The following GALNTL6 variants were observed in gnomAD, a reference collection of about 807,000 sequenced individuals.
GALNTL6 encodes polypeptide N-acetylgalactosaminyltransferase like 6, also known as polypeptide N-acetylgalactosaminyltransferase-like 6.
Under a neutral mutation model 73.7 loss-of-function variants are expected in GALNTL6, and 46 were observed. That is an observed-to-expected ratio of 0.62 (90% confidence interval 0.49 to 0.80). The LOEUF (loss-of-function observed/expected upper bound fraction) is 0.80. Ranked by LOEUF, GALNTL6 falls within the 30% of genes least tolerant of loss-of-function variation. The pLI, the probability that GALNTL6 is intolerant of heterozygous loss-of-function variation, is 0.00. For synonymous variants in GALNTL6, 259 were observed against 263.7 expected (o/e 0.98, Z 0.17); for missense variants, 604 against 755.0 (o/e 0.80, Z 2.34).
At chr4:172,333,976 T>C (rs536635837) in intron 4 of GALNTL6, among the ~76,000 whole-genome samples, 5 of 152,346 alleles carry the variant, frequency 3.3e-5, no homozygotes, top group Admixed American at 2.6e-4. Flanking sequence ...TTGTCAACTT[T>C]GTTGAAGGTC....
intron 2 of GALNTL6, among the ~76,000 whole-genome samples, chr4:171,958,881 A>C (rs760602482): frequency 6.6e-6 from 1 of 152,150 alleles, no homozygotes; most frequent in Non-Finnish European, 1.5e-5. Context: ...TAACATTTTA[A>C]TAAATGTACA....
intron 2 of GALNTL6, among the ~76,000 whole-genome samples, chr4:172,038,119 A>AAG (rs1409844964): frequency 1.3e-5 from 2 of 151,382 alleles, no homozygotes; most frequent in Middle Eastern, 3.4e-3. Context: ...CTCTGTCTCA[A>AAG]AAAAAAAAAC....
At chr4:172,281,625 C>T (rs1739060999) in intron 3 of GALNTL6, among the ~76,000 whole-genome samples, 1 of 152,124 alleles carries the variant, frequency 6.6e-6, no homozygotes, top group Non-Finnish European at 1.5e-5. Context: ...GCAGGAGAAT[C>T]GTTTGAACCC....
intron 3 of GALNTL6, among the ~76,000 whole-genome samples, chr4:172,262,372 T>C (rs1179717424): frequency 6.6e-6 from 1 of 151,464 alleles, no homozygotes; most frequent in Non-Finnish European, 1.5e-5. Context: ...TTTTTATCAT[T>C]ATATAATTTC....
intron 5 of GALNTL6, among the ~76,000 whole-genome samples, chr4:172,455,637 G>A (rs1403343947): frequency 6.6e-6 from 1 of 152,156 alleles, no homozygotes; most frequent in Non-Finnish European, 1.5e-5. Flanking sequence ...CAAAACCACT[G>A]TAGCCAGACC....
At chr4:172,479,653 C>T (rs558327736) in intron 5 of GALNTL6, among the ~76,000 whole-genome samples, 7 of 152,206 alleles carry the variant, frequency 4.6e-5, no homozygotes, top group African/African-American at 9.6e-5. Flanking sequence ...GACTTCACCA[C>T]AATACAATCT....
chr4:172,703,569 C>A (rs1388282375), intron 5 of GALNTL6, among the ~76,000 whole-genome samples: 1 of 151,904 alleles, frequency 6.6e-6, no homozygotes, highest in Non-Finnish European at 1.5e-5. Context: ...AATAACCTTT[C>A]TGATGTGCTG....
intron 5 of GALNTL6, among the ~76,000 whole-genome samples, chr4:172,729,664 G>C (rs545214687): frequency 6.6e-5 from 10 of 152,268 alleles, no homozygotes; most frequent in African/African-American, 2.2e-4. Context: ...AAGTCAGGTA[G>C]TATGAGGCGA....
intron 5 of GALNTL6, among the ~76,000 whole-genome samples, chr4:172,760,530 C>G (rs1738022859): frequency 6.6e-6 from 1 of 152,230 alleles, no homozygotes; most frequent in African/African-American, 2.4e-5. Flanking sequence ...GTGATGACCT[C>G]TTTTCTGCTA....
chr4:172,869,176 C>T (rs535519195), intron 7 of GALNTL6, among the ~76,000 whole-genome samples: 20 of 152,218 alleles, frequency 1.3e-4, no homozygotes, highest in African/African-American at 4.6e-4. Context: ...GTCAAGGGGA[C>T]AGAAGAATTC....
intron 7 of GALNTL6, among the ~76,000 whole-genome samples, chr4:172,818,090 A>T (rs1741711989): frequency 6.6e-6 from 1 of 152,134 alleles, no homozygotes. Flanking sequence ...AAAAGTTCAC[A>T]CTCGTTGATG....
In GALNTL6 at chr4:172,699,895, A is replaced by G. The variant is rs546070801; in HGVS notation, c.554-109466A>G. ...AAAAGGATAGACCAAATATCAATAA[A>G]GAAGCAGTTGAGGCCTGTAATAGGA... On this transcript the variant is annotated intron_variant, in intron 5 of 12. Coordinates refer to ENST00000506823, the MANE Select transcript of GALNTL6 (RefSeq NM_001034845.3). 3.0e-4 allele frequency among the ~76,000 whole-genome samples: 45 copies of G among 152,312 alleles called. No individual in the cohort carries two copies. In the Middle Eastern group the frequency reaches 0.017, roughly 58 times the overall value.
chr4:171,857,576 G>T (rs1165503033), intron 2 of GALNTL6, among the ~76,000 whole-genome samples: 1 of 152,118 alleles, frequency 6.6e-6, no homozygotes, highest in Non-Finnish European at 1.5e-5. Flanking sequence ...TCCTTGGAGA[G>T]TCTGGAACAT....
At chr4:172,293,667 T>C (rs982891638) in intron 3 of GALNTL6, among the ~76,000 whole-genome samples, 4 of 151,856 alleles carry the variant, frequency 2.6e-5, no homozygotes, top group Non-Finnish European at 4.4e-5. Flanking sequence ...TGGCTACTTA[T>C]TCTCATTCTC....
At chr4:172,705,601 A>AT (rs879818429) in intron 5 of GALNTL6, among the ~76,000 whole-genome samples, 6 of 151,082 alleles carry the variant, frequency 4.0e-5, no homozygotes, top group African/African-American at 1.2e-4. Flanking sequence ...CTTCAGGTGG[A>AT]TTTTTTTTGG....
intron 10 of GALNTL6, among the ~76,000 whole-genome samples, chr4:172,971,565 G>T (rs1017850839): frequency 5.9e-5 from 9 of 152,156 alleles, no homozygotes; most frequent in Non-Finnish European, 1.0e-4. Flanking sequence ...GCTGATTGTC[G>T]CATAGGCATT....
chr4:172,549,203 C>T (rs1297058663), intron 5 of GALNTL6, among the ~76,000 whole-genome samples: 2 of 152,106 alleles, frequency 1.3e-5, no homozygotes, highest in African/African-American at 4.8e-5. Context: ...CTGGCAATAA[C>T]TTGCATCGTT....
chr4:172,160,848 C>T (rs1734438416), intron 2 of GALNTL6, among the ~76,000 whole-genome samples: 1 of 150,916 alleles, frequency 6.6e-6, no homozygotes, highest in South Asian at 2.1e-4. Context: ...TTTTTAAAAG[C>T]TTTAGAGCTT....
chr4:171,936,064 A>G lies in GALNTL6; in HGVS notation c.138+121346A>G, dbSNP rs1214803062. On this transcript the variant is annotated intron_variant, in intron 2 of 12. Coordinates refer to ENST00000506823, the MANE Select transcript of GALNTL6 (RefSeq NM_001034845.3). The stretch of plus-strand genomic sequence containing the variant: ...ATTGAATAGAAAACTTAGACAAAAA[A>G]TTATTTATGGTCTCCAGGTTGAAAT... 2.0e-5 allele frequency among the ~76,000 whole-genome samples: 3 copies of G among 152,154 alleles called. No individual in the cohort carries two copies. The East Asian group carries it at 5.8e-4, about 29-fold the overall frequency.
Sources: gnomAD v4.1 joint callset for allele counts (sites outside exome capture counted in the v4.1 genomes callset) on GRCh38, gnomAD v4.1.1 for gene constraint, MANE v1.5 for transcripts, NCBI Gene and HGNC (gene_info 2026-07-23, HGNC 2026-07-21) for gene names.